Variants in LURAP1L observed in about 807,000 individuals in gnomAD.
LURAP1L encodes leucine rich adaptor protein 1 like, also known as leucine rich adaptor protein 1-like.
In LURAP1L, 12 loss-of-function variants were observed where a neutral mutation model predicts 13.8. The observed-to-expected ratio is 0.87, with a 90% confidence interval of 0.56 to 1.41. LURAP1L has a LOEUF of 1.41. Ranked by LOEUF, LURAP1L falls within the 40% of genes most tolerant of loss-of-function variation. The probability of loss-of-function intolerance (pLI) is 0.00; values close to 1 mark genes in which losing one functional copy is unlikely to be tolerated. For synonymous variants in LURAP1L, 139 were observed against 119.2 expected (o/e 1.17, Z -1.08); for missense variants, 375 against 292.9 (o/e 1.28, Z -2.04).
chr9:12,816,676 A>G lies in LURAP1L; in HGVS notation c.313-4710A>G, dbSNP rs572631713. On this transcript the variant is annotated intron_variant, in intron 1 of 1. Coordinates refer to ENST00000319264, the MANE Select transcript of LURAP1L (RefSeq NM_203403.2). ...TTCAAGATTCCTCATTTCAAGTTCT[A>G]CCATAGACTCAGTTCATCACCTGTC... 3.9e-5 allele frequency among the ~76,000 whole-genome samples: 6 copies of G among 152,292 alleles called. 1 individual carries two copies. The South Asian group carries it at 1.2e-3, about 32-fold the overall frequency.
At chr9:12,808,323 T>TA (rs1251349719) in intron 1 of LURAP1L, among the ~76,000 whole-genome samples, 1 of 152,116 alleles carries the variant, frequency 6.6e-6, no homozygotes, top group East Asian at 1.9e-4. Flanking sequence ...TACTTCACTT[T>TA]AAAAAATTGT....
intron 1 of LURAP1L, among the ~76,000 whole-genome samples, chr9:12,784,669 G>A (rs74816566): frequency 0.13 from 19,386 of 152,112 alleles, 1,569 homozygotes; most frequent in African/African-American, 0.23. Context: ...GATGTCACCC[G>A]AGGCCTGTGG....
chr9:12,782,833 G>A (rs573568411), intron 1 of LURAP1L, among the ~76,000 whole-genome samples: 87 of 152,136 alleles, frequency 5.7e-4, no homozygotes, highest in Middle Eastern at 3.4e-3. Context: ...AAAAAATGTT[G>A]ATCTTCCAAT....
chr9:12,789,213 G>A (rs952734914), intron 1 of LURAP1L, among the ~76,000 whole-genome samples: 7 of 152,260 alleles, frequency 4.6e-5, no homozygotes, highest in Admixed American at 4.6e-4. Context: ...TGTTTTTCTA[G>A]AGATGTGCTT....
At chr9:12,816,526 G>A (rs1261108848) in intron 1 of LURAP1L, among the ~76,000 whole-genome samples, 7 of 152,078 alleles carry the variant, frequency 4.6e-5, no homozygotes, top group African/African-American at 1.4e-4. Context: ...CCAAAACTCC[G>A]ACTGCATTTT....
At chr9:12,784,159 G>T (rs898462054) in intron 1 of LURAP1L, among the ~76,000 whole-genome samples, 1 of 152,084 alleles carries the variant, frequency 6.6e-6, no homozygotes, top group African/African-American at 2.4e-5. Context: ...CTGTCTGAGA[G>T]GTCACATATC....
intron 1 of LURAP1L, among the ~76,000 whole-genome samples, chr9:12,787,794 T>C (rs1168250853): frequency 6.6e-6 from 1 of 152,142 alleles, no homozygotes; most frequent in African/African-American, 2.4e-5. Flanking sequence ...TAATTTATGA[T>C]GGAAGCTTTG....
At chr9:12,783,889 C>A (rs1186338046) in intron 1 of LURAP1L, among the ~76,000 whole-genome samples, 2 of 148,978 alleles carry the variant, frequency 1.3e-5, no homozygotes, top group Non-Finnish European at 3.0e-5. Flanking sequence ...ATTTTGTCTC[C>A]CTCACTGTAT....
At chr9:12,793,095 C>G (rs1367740511) in intron 1 of LURAP1L, among the ~76,000 whole-genome samples, 1 of 151,984 alleles carries the variant, frequency 6.6e-6, no homozygotes, top group Non-Finnish European at 1.5e-5. Flanking sequence ...GATTGCATGT[C>G]ACCTTAGTAG....
chr9:12,801,035 A>G (rs73403682), intron 1 of LURAP1L, among the ~76,000 whole-genome samples: 45 of 152,272 alleles, frequency 3.0e-4, no homozygotes, highest in African/African-American at 1.1e-3. Flanking sequence ...ACTAGGCATA[A>G]TGTTAATTAT....
At chr9:12,818,371 G>T (rs1819830971) in intron 1 of LURAP1L, among the ~76,000 whole-genome samples, 1 of 152,174 alleles carries the variant, frequency 6.6e-6, no homozygotes, top group Non-Finnish European at 1.5e-5. Flanking sequence ...TGTCTTAAGA[G>T]CTAAACTTTC....
At chr9:12,798,331 G>A (rs1331190001) in intron 1 of LURAP1L, among the ~76,000 whole-genome samples, 1 of 152,128 alleles carries the variant, frequency 6.6e-6, no homozygotes, top group East Asian at 1.9e-4. Flanking sequence ...ATAGTTGGTT[G>A]ACTCCTTTTT....
chr9:12,820,985 T>A (rs1337761329), intron 1 of LURAP1L, among the ~76,000 whole-genome samples: 1 of 152,182 alleles, frequency 6.6e-6, no homozygotes, highest in Non-Finnish European at 1.5e-5. Context: ...GGATGACTCC[T>A]TAATTTGTTC....
intron 1 of LURAP1L, chr9:12,814,273 C>T (rs1819775713): frequency 6.6e-6 from 1 of 152,164 alleles, no homozygotes; most frequent in Non-Finnish European, 1.5e-5. Context: ...ATTGAAAAGA[C>T]ACACATGCAC....
intron 1 of LURAP1L, among the ~76,000 whole-genome samples, chr9:12,820,164 G>C (rs1819853996): frequency 6.6e-6 from 1 of 152,124 alleles, no homozygotes; most frequent in Non-Finnish European, 1.5e-5. Context: ...ACCCTGCTTT[G>C]TGGCTGTGGA....
chr9:12,794,325 T>C (rs1323355749), intron 1 of LURAP1L, among the ~76,000 whole-genome samples: 2 of 152,032 alleles, frequency 1.3e-5, no homozygotes, highest in Admixed American at 6.6e-5. Flanking sequence ...TTAAGACAAA[T>C]GGATTCTATT....
intron 1 of LURAP1L, among the ~76,000 whole-genome samples, chr9:12,813,732 A>G (rs1261594298): frequency 6.6e-6 from 1 of 152,226 alleles, no homozygotes; most frequent in Admixed American, 6.5e-5. Flanking sequence ...TTGATGAACC[A>G]GTAAAATTCC....
chr9:12,803,158 A>G lies in LURAP1L; in HGVS notation c.313-18228A>G, dbSNP rs545732479. Among the ~76,000 whole-genome samples, 3 of 152,308 alleles carry G rather than the reference A, an allele frequency of 2.0e-5. No homozygotes were observed. The East Asian group carries it at 5.8e-4, about 29-fold the overall frequency. On this transcript the variant is annotated intron_variant, in intron 1 of 1. Coordinates refer to ENST00000319264, the MANE Select transcript of LURAP1L (RefSeq NM_203403.2). ...GGTAGGATAGAACCACTGCACTGGA[A>G]GTGTTCATGCTTACCACCTCTTTGT...
At chr9:12,815,574 C>T (rs1258437749) in intron 1 of LURAP1L, among the ~76,000 whole-genome samples, 4 of 152,212 alleles carry the variant, frequency 2.6e-5, no homozygotes, top group East Asian at 1.9e-4. Flanking sequence ...TTACAGCTTG[C>T]AGGATGGTTG....
Sources: allele counts gnomAD v4.1 joint callset (sites outside exome capture counted in the v4.1 genomes callset), GRCh38; gene constraint gnomAD v4.1.1; transcripts MANE v1.5; gene names NCBI Gene and HGNC (gene_info 2026-07-23, HGNC 2026-07-21).